Variants in UGT2A1 observed in about 807,000 individuals in gnomAD.
UGT2A1 encodes UDP glucuronosyltransferase family 2 member A1 complex locus, also known as UDP-glucuronosyltransferase 2A1.
In UGT2A1, 61 loss-of-function variants were observed where a neutral mutation model predicts 45.4. That is an observed-to-expected ratio of 1.34 (90% CI 1.09 to 1.66). The LOEUF (loss-of-function observed/expected upper bound fraction) is 1.66. Ranked by LOEUF, UGT2A1 falls within the 40% of genes most tolerant of loss-of-function variation. UGT2A1 has a pLI of 0.00. For missense variants in UGT2A1, 649 were observed against 574.3 expected, an observed-to-expected ratio of 1.13 and a Z score of -1.33; for synonymous variants, 229 against 196.2, an observed-to-expected ratio of 1.17 and a Z score of -1.40.
chr4:69,606,069 T>C (rs1371149329), intron 3 of UGT2A1, among the ~76,000 whole-genome samples: 1 of 136,628 alleles, frequency 7.3e-6, no homozygotes, highest in Non-Finnish European at 1.6e-5. Flanking sequence ...CTTAAATCAT[T>C]TTATGAGTCC....
intron 4 of UGT2A1, chr4:69,596,273 C>G (rs962960724): frequency 1.2e-6 from 2 of 1,604,230 alleles, no homozygotes; most frequent in African/African-American, 2.7e-5. Flanking sequence ...TGGGCAAGGG[C>G]TGAGGCAATA....
At chr4:69,623,524 G>T (rs1201003908) in intron 3 of UGT2A1, among the ~76,000 whole-genome samples, 1 of 151,252 alleles carries the variant, frequency 6.6e-6, no homozygotes, top group Non-Finnish European at 1.5e-5. Flanking sequence ...TAACAGAATA[G>T]TTTATATAAA....
chr4:69,639,350 C>A (rs751664982), intron 2 of UGT2A1: 49 of 1,613,570 alleles, frequency 3.0e-5, no homozygotes, highest in Non-Finnish European at 3.9e-5. Context: ...TTATCATATG[C>A]TCAATTAAGG....
intron 2 of UGT2A1, among the ~76,000 whole-genome samples, chr4:69,641,343 A>T (rs1256403728): frequency 6.6e-6 from 1 of 151,914 alleles, no homozygotes; most frequent in Non-Finnish European, 1.5e-5. Flanking sequence ...ATACAATCCT[A>T]TTAGTCTGAA....
At chr4:69,606,394 A>C (rs1209958168) in intron 3 of UGT2A1, among the ~76,000 whole-genome samples, 2 of 136,746 alleles carry the variant, frequency 1.5e-5, no homozygotes, top group Non-Finnish European at 3.1e-5. Context: ...AAAAACTCTC[A>C]ATAAATTAGG....
intron 3 of UGT2A1, among the ~76,000 whole-genome samples, chr4:69,619,587 T>C (rs1720619843): frequency 6.6e-6 from 1 of 151,996 alleles, no homozygotes; most frequent in African/African-American, 2.4e-5. Context: ...ATAATCTTTT[T>C]CAGGTGAATT....
intron 3 of UGT2A1, among the ~76,000 whole-genome samples, chr4:69,618,550 CA>C (rs1720552262): frequency 6.6e-6 from 1 of 151,894 alleles, no homozygotes; most frequent in African/African-American, 2.4e-5. Flanking sequence ...AGAATTTAAA[CA>C]GACCATATTA....
At chr4:69,616,256 A>G (rs902591983) in intron 3 of UGT2A1, among the ~76,000 whole-genome samples, 1 of 151,864 alleles carries the variant, frequency 6.6e-6, no homozygotes, top group Non-Finnish European at 1.5e-5. Context: ...GGGAGGGTAT[A>G]AAGAGGGCAT....
intron 5 of UGT2A1, among the ~76,000 whole-genome samples, 168 bp from the exon 6 acceptor site, chr4:69,594,864 G>A (rs139271805): frequency 1.3e-3 from 195 of 152,284 alleles, no homozygotes; most frequent in South Asian, 4.6e-3. Flanking sequence ...GTGATCCCAG[G>A]AAAAGCAGTA....
In UGT2A1 at chr4:69,647,350, G is replaced by A. The variant is rs754218825; in HGVS notation, c.295C>T (p.Pro99Ser). 1 of 1,613,140 alleles carries A rather than the reference G, an allele frequency of 6.2e-7. No individual in the cohort carries two copies. ...DFVLTWLENR[P>S]SPSTIWRFYQ... ...AATCTCCAAATGGTTGAAGGAGATG[G>A]TCTATTTTCCAGCCATGTCAAAACG... Residue 99 changes from proline to serine, a missense_variant, in exon 2 of 7, where the codon CCA becomes TCA. Transcript: ENST00000286604.
intron 3 of UGT2A1, among the ~76,000 whole-genome samples, chr4:69,605,429 G>C (rs1719550157): frequency 7.3e-6 from 1 of 136,874 alleles, no homozygotes; most frequent in Non-Finnish European, 1.6e-5. Flanking sequence ...GCAGTGTGTA[G>C]AGGGAAATTT....
intron 3 of UGT2A1, among the ~76,000 whole-genome samples, chr4:69,627,970 C>CT (rs1271605893): frequency 6.6e-6 from 1 of 151,762 alleles, no homozygotes; most frequent in African/African-American, 2.4e-5. Flanking sequence ...CACAGATTGC[C>CT]TTTTAAGTTT....
At chr4:69,651,102 TCA>T (rs1722504398) in intron 1 of UGT2A1, among the ~76,000 whole-genome samples, 1 of 152,070 alleles carries the variant, frequency 6.6e-6, no homozygotes, top group Admixed American at 6.5e-5. Context: ...AGAAATATGA[TCA>T]GTATTAAAAA....
intron 3 of UGT2A1, among the ~76,000 whole-genome samples, chr4:69,630,456 A>G (rs973891665): frequency 6.6e-6 from 1 of 152,098 alleles, no homozygotes; most frequent in Middle Eastern, 3.2e-3. Flanking sequence ...TTTATCAACC[A>G]TCACTATTCC....
At chr4:69,629,039 T>C (rs934562197) in intron 3 of UGT2A1, among the ~76,000 whole-genome samples, 8 of 151,776 alleles carry the variant, frequency 5.3e-5, no homozygotes, top group African/African-American at 1.9e-4. Context: ...TCCTGAACTA[T>C]GTTAAAGCTA....
chr4:69,618,835 C>CA (rs921444617), intron 3 of UGT2A1, among the ~76,000 whole-genome samples: 9 of 151,462 alleles, frequency 5.9e-5, no homozygotes, highest in African/African-American at 1.5e-4. Context: ...TATTAAATGA[C>CA]AAAAAAACAA....
intron 2 of UGT2A1, among the ~76,000 whole-genome samples, chr4:69,638,541 T>C (rs1325406731): frequency 6.6e-6 from 1 of 152,160 alleles, no homozygotes; most frequent in African/African-American, 2.4e-5. Context: ...AAAGGAGGCA[T>C]GGTAAATCAT....
Position 69,605,893 on chromosome 4 carries a change from T to G in UGT2A1, c.848-6499A>C, listed in dbSNP as rs951658465. 2.2e-5 allele frequency among the ~76,000 whole-genome samples: 3 copies of G among 136,856 alleles called. 1 individual carries two copies. The highest frequency in any genetic ancestry group is 3.1e-5 in the Non-Finnish European group (2 of 64,406). 89.8% of individuals were successfully genotyped at this position (136,856 alleles called of 152,430 possible). On this transcript the variant is annotated intron_variant, in intron 3 of 6. Coordinates refer to ENST00000286604, the MANE Select transcript of UGT2A1 (RefSeq NM_001252275.3). ...ATCAGGAAGACATTGAATCTCTGAATAGACCAATAACAGGCTCTGAAATTG... is the reference window on the plus strand; with the variant it reads ...ATCAGGAAGACATTGAATCTCTGAAGAGACCAATAACAGGCTCTGAAATTG...
chr4:69,651,134 T>C (rs1029666217), intron 1 of UGT2A1, among the ~76,000 whole-genome samples: 2 of 152,174 alleles, frequency 1.3e-5, no homozygotes, highest in African/African-American at 4.8e-5. Context: ...ACTAGTGAGG[T>C]TAAATTTTAG....
Sources: allele counts gnomAD v4.1 joint callset (sites outside exome capture counted in the v4.1 genomes callset), GRCh38; gene constraint gnomAD v4.1.1; transcripts MANE v1.5; gene names NCBI Gene and HGNC (gene_info 2026-07-23, HGNC 2026-07-21).